SLC41A2: variants seen among roughly 807,000 people sequenced by gnomAD.
SLC41A2 encodes the protein solute carrier family 41 member 2.
A neutral mutation model predicts 58.3 loss-of-function variants in SLC41A2; 32 were observed. The observed-to-expected ratio is 0.55, with a 90% CI of 0.41 to 0.74. The LOEUF is 0.74. Among genes scored for constraint, SLC41A2 ranks in the 30% least tolerant of loss-of-function variants. SLC41A2 has a pLI of 0.00. For synonymous variants in SLC41A2, 190 were observed against 235.0 expected (o/e 0.81, Z 1.75); for missense variants, 514 against 680.6 (o/e 0.76, Z 2.72).
chr12:104,881,348 C>G (rs1465168889), intron 6 of SLC41A2, among the ~76,000 whole-genome samples: 1 of 152,122 alleles, frequency 6.6e-6, no homozygotes, highest in East Asian at 1.9e-4. Context: ...TTATATCTTG[C>G]CTTCCGCTAG....
intron 8 of SLC41A2, chr12:104,852,022 G>A (rs1565841034): frequency 6.6e-6 from 1 of 152,210 alleles, no homozygotes; most frequent in African/African-American, 2.4e-5. Context: ...ATACCTCTAA[G>A]TGAAGGTAAA....
chr12:104,849,776 C>T (rs535439528), intron 8 of SLC41A2, among the ~76,000 whole-genome samples: 4 of 152,248 alleles, frequency 2.6e-5, no homozygotes, highest in African/African-American at 7.2e-5. Flanking sequence ...TGCAGTGAGC[C>T]GTGGTCATGC....
intron 10 of SLC41A2, among the ~76,000 whole-genome samples, chr12:104,833,483 A>G (rs1031875809): frequency 6.6e-6 from 1 of 152,210 alleles, no homozygotes. Flanking sequence ...TGATCCCAGT[A>G]TAACTCCATT....
chr12:104,932,664 A>G (rs2047109488), intron 1 of SLC41A2, among the ~76,000 whole-genome samples: 2 of 151,290 alleles, frequency 1.3e-5, no homozygotes, highest in Non-Finnish European at 2.9e-5. Context: ...TAACCAAAAC[A>G]GCATGATACT....
chr12:104,806,277 A>G (rs936473827), intron 10 of SLC41A2, among the ~76,000 whole-genome samples: 22 of 145,508 alleles, frequency 1.5e-4, no homozygotes, highest in African/African-American at 2.8e-4. Flanking sequence ...ATGTGTTCTC[A>G]TTGTTCAATT....
At chr12:104,889,623 T>C (rs1216019943) in intron 4 of SLC41A2, among the ~76,000 whole-genome samples, 1 of 152,212 alleles carries the variant, frequency 6.6e-6, no homozygotes, top group Non-Finnish European at 1.5e-5. Context: ...AACTCATTCA[T>C]TCAAGGAGTA....
At chr12:104,954,221 T>C (rs761013345) in intron 1 of SLC41A2, among the ~76,000 whole-genome samples, 4 of 152,192 alleles carry the variant, frequency 2.6e-5, no homozygotes, top group Admixed American at 6.5e-5. Flanking sequence ...TTCCTTAGTG[T>C]AGCTAACCAA....
At chr12:104,828,563 G>A (rs763925208) in intron 10 of SLC41A2, among the ~76,000 whole-genome samples, 3 of 152,122 alleles carry the variant, frequency 2.0e-5, no homozygotes, top group Non-Finnish European at 4.4e-5. Context: ...TGTGGGTTTG[G>A]AGCTCCACAG....
At chr12:104,952,331 T>G (rs2047987751) in intron 1 of SLC41A2, among the ~76,000 whole-genome samples, 1 of 152,126 alleles carries the variant, frequency 6.6e-6, no homozygotes, top group Non-Finnish European at 1.5e-5. Flanking sequence ...TCACAGACCT[T>G]TTGGTCTTGG....
intron 10 of SLC41A2, among the ~76,000 whole-genome samples, chr12:104,839,307 T>C (rs1418082688): frequency 6.6e-6 from 1 of 152,158 alleles, no homozygotes; most frequent in South Asian, 2.1e-4. Context: ...AAAATATTTA[T>C]ATACTCCATA....
At chr12:104,862,616 C>T (rs549978384) in intron 7 of SLC41A2, among the ~76,000 whole-genome samples, 1 of 152,206 alleles carries the variant, frequency 6.6e-6, no homozygotes, top group South Asian at 2.1e-4. Context: ...TGTTAGTATG[C>T]TGTTATATAG....
At chr12:104,887,290 A>C (rs2044718053) in intron 5 of SLC41A2, among the ~76,000 whole-genome samples, 1 of 151,984 alleles carries the variant, frequency 6.6e-6, no homozygotes, top group African/African-American at 2.4e-5. Context: ...TTTAGAGTTA[A>C]AATGACTCTA....
intron 1 of SLC41A2, among the ~76,000 whole-genome samples, chr12:104,940,844 G>A (rs1228779830): frequency 1.3e-5 from 2 of 151,040 alleles, no homozygotes; most frequent in Non-Finnish European, 2.9e-5. Context: ...ACTTGAAAAC[G>A]GGAGGCAGAG....
chr12:104,912,366 C>T (rs2046123455), intron 2 of SLC41A2, among the ~76,000 whole-genome samples: 2 of 152,146 alleles, frequency 1.3e-5, no homozygotes, highest in Admixed American at 6.5e-5. Context: ...CACCCCCACC[C>T]ACACAAACAC....
intron 7 of SLC41A2, among the ~76,000 whole-genome samples, chr12:104,864,317 G>C (rs55838643): frequency 0.023 from 3,486 of 152,196 alleles, 41 homozygotes; most frequent in South Asian, 0.05. Flanking sequence ...GATCCTGCCT[G>C]TCTGAAAATT....
At chr12:104,930,276 G>A (rs1447101295) in intron 1 of SLC41A2, among the ~76,000 whole-genome samples, 1 of 152,170 alleles carries the variant, frequency 6.6e-6, no homozygotes, top group East Asian at 1.9e-4. Context: ...GAAAGTTGGT[G>A]TTTAAAGAAA....
intron 7 of SLC41A2, among the ~76,000 whole-genome samples, chr12:104,865,262 G>A (rs56056957): frequency 2.6e-5 from 4 of 152,278 alleles, no homozygotes; most frequent in South Asian, 2.1e-4. Context: ...CTTTTACTTA[G>A]TCTTGCTATT....
intron 6 of SLC41A2, among the ~76,000 whole-genome samples, chr12:104,875,799 A>C (rs2044014096): frequency 1.3e-5 from 2 of 152,170 alleles, no homozygotes; most frequent in Admixed American, 6.5e-5. Flanking sequence ...ATCTCTGAAA[A>C]TAAAACTAAA....
chr12:104,848,823 T>C (rs1459303853), intron 8 of SLC41A2, among the ~76,000 whole-genome samples: 2 of 152,030 alleles, frequency 1.3e-5, no homozygotes. Context: ...CAGAATAATT[T>C]ATAAAATTTT....
Sources: gnomAD v4.1 joint callset for allele counts (sites outside exome capture counted in the v4.1 genomes callset) on GRCh38, gnomAD v4.1.1 for gene constraint, MANE v1.5 for transcripts, NCBI Gene and HGNC (gene_info 2026-07-23, HGNC 2026-07-21) for gene names.